The following EPG5 variants were observed in gnomAD, a reference collection of about 807,000 sequenced individuals.
EPG5 encodes ectopic P granules protein 5 homolog.
In EPG5, 159 loss-of-function variants were observed where a neutral mutation model predicts 302.7. The ratio of observed to expected loss-of-function variants is 0.53; its 90% confidence interval spans 0.46 to 0.60. EPG5 has a LOEUF of 0.60. Ranked by LOEUF, EPG5 falls within the 20% of genes least tolerant of loss-of-function variation. The pLI is 0.00. For missense variants in EPG5, 2,896 were observed against 3,092.4 expected (o/e 0.94, Z 1.51); for synonymous variants, 1,158 against 1,136.8 (o/e 1.02, Z -0.37).
chr18:45,884,844 A>G (rs1385249260), intron 29 of EPG5, 33 bp from the exon 30 acceptor site: 1 of 1,450,470 alleles, frequency 6.9e-7, no homozygotes, highest in Non-Finnish European at 9.1e-7. Flanking sequence ...ATGTCACCAG[A>G]TTCTTCCCTC....
chr18:45,966,199 C>T (rs1445336492), intron 1 of EPG5, among the ~76,000 whole-genome samples: 3 of 151,576 alleles, frequency 2.0e-5, no homozygotes, highest in East Asian at 1.9e-4. Context: ...GGTGAAACCC[C>T]GTCTCTACTA....
rs773856202 is a variant in EPG5 at position 45,939,654 on chromosome 18, A to G, written c.2045T>C (p.Val682Ala). 6.2e-7 allele frequency: 1 copy of G among 1,613,996 alleles called. No homozygotes were observed. Among genetic ancestry groups the G allele is most frequent in the African/African-American group, 1.3e-5 (1 of 74,908 alleles). ...CCTCAAAAACAGTTCATCAAATTCA[A>G]CCTGTAGTTTCTCCATAGAGTAGGG... ...QQPYSMEKLQ[V>A]EFDELFLRAV... Residue 682 changes from valine to alanine, a missense_variant, in exon 10 of 44, where the codon GTT (valine) becomes GCT (alanine). Val to Ala is a moderately conservative substitution (Grantham distance 64). Transcript: ENST00000282041.
chr18:45,851,400 T>G lies in EPG5; in HGVS notation c.*1067A>C, dbSNP rs2048420655. 1 of 152,088 alleles carries G rather than the reference T, an allele frequency of 6.6e-6. No individual in the cohort carries two copies. The highest frequency in any genetic ancestry group is 6.5e-5 in the Admixed American group (1 of 15,272). The allele number at this position is 152,088 out of a possible 1,614,324, so 9.4% of individuals were successfully genotyped here. A position where few individuals can be genotyped will look rare whatever the true frequency, so the allele number is the denominator to read the frequency against. ...ACAGGCTTTGGTAATGAATGAACTG[T>G]CAACAACAGAAGGCACGTGGCTATG... is the stretch of plus-strand genomic sequence containing the variant. On this transcript the variant is annotated 3_prime_UTR_variant, in exon 44 of 44. Coordinates refer to ENST00000282041, the MANE Select transcript of EPG5 (RefSeq NM_020964.3).
chr18:45,929,525 T>G (rs1205647618), intron 12 of EPG5, among the ~76,000 whole-genome samples: 2 of 152,240 alleles, frequency 1.3e-5, no homozygotes, highest in East Asian at 3.9e-4. Context: ...AATAACAGAA[T>G]AAAATAAAAT....
chr18:45,945,642 A>T (rs1482754612), intron 7 of EPG5, among the ~76,000 whole-genome samples: 2 of 152,198 alleles, frequency 1.3e-5, no homozygotes, highest in African/African-American at 4.8e-5. Context: ...CCTACCAGAA[A>T]AAAAGACTTC....
At chr18:45,829,158 G>C in the EPG5 span, 220 of 985,354 alleles carry the variant, frequency 2.2e-4, no homozygotes, top group Non-Finnish European at 2.6e-4. Flanking sequence ...GGGTCAGCCT[G>C]TGGCCCTGCC....
At chr18:45,830,723 C>G in the EPG5 span, among the ~76,000 whole-genome samples, 1 of 148,908 alleles carries the variant, frequency 6.7e-6, no homozygotes, top group African/African-American at 2.5e-5. Flanking sequence ...GTAGCTGGAA[C>G]TACAGGCACC....
intron 36 of EPG5, among the ~76,000 whole-genome samples, chr18:45,868,584 G>A (rs576474880): frequency 6.6e-6 from 1 of 150,576 alleles, no homozygotes; most frequent in Non-Finnish European, 1.5e-5. Flanking sequence ...GGTCAGGCTG[G>A]TCTTGAACCC....
the EPG5 span, chr18:45,838,982 G>T: frequency 1.9e-6 from 3 of 1,600,454 alleles, no homozygotes; most frequent in Non-Finnish European, 2.5e-6. Context: ...TACCTGTTCC[G>T]CTTCCATGGC....
chr18:45,893,410 C>T (rs56298801), intron 27 of EPG5, among the ~76,000 whole-genome samples: 71,144 of 151,758 alleles, frequency 0.47, 17,692 homozygotes, highest in East Asian at 0.58. Flanking sequence ...ACTAAAAATA[C>T]AAAAATTAGC....
the EPG5 span, among the ~76,000 whole-genome samples, chr18:45,802,935 T>TA: frequency 6.6e-6 from 1 of 152,138 alleles, no homozygotes. Flanking sequence ...CCCAGTCTCT[T>TA]AAGGCATAGT....
chr18:45,854,550 C>T (rs1333642050), intron 43 of EPG5, among the ~76,000 whole-genome samples: 1 of 151,996 alleles, frequency 6.6e-6, no homozygotes, highest in Non-Finnish European at 1.5e-5. Flanking sequence ...CTTTCCTCAT[C>T]CAAAAAACCA....
the EPG5 span, chr18:45,839,169 G>T: frequency 3.4e-4 from 454 of 1,336,282 alleles, 4 homozygotes; most frequent in African/African-American, 6.7e-3. Context: ...AGACCACCTG[G>T]CTGACCCCCT....
intron 35 of EPG5, among the ~76,000 whole-genome samples, chr18:45,874,156 A>C (rs541764398): frequency 6.6e-6 from 1 of 152,234 alleles, no homozygotes; most frequent in Non-Finnish European, 1.5e-5. Context: ...TAAATCATGG[A>C]CTTTCATTGA....
rs778882158 is a variant in EPG5, at chr18:45,882,439, G to A, written c.5353C>T (p.Arg1785Cys). 11 of 1,614,036 alleles carry A rather than the reference G, an allele frequency of 6.8e-6. No homozygotes were observed. Among genetic ancestry groups the A allele is most frequent in the African/African-American group, 1.3e-5 (1 of 74,914 alleles). Residue 1785 changes from arginine to cysteine, a missense_variant, in exon 31 of 44, where the codon CGT (arginine) becomes TGT (cysteine). Arg to Cys is a radical substitution (Grantham distance 180, BLOSUM62 -3). Transcript: ENST00000282041. ...LSATKPPLSD[R>C]TRLLESIHLA... Reference sequence around the variant, plus strand: ...TGAATGGACTCCAGAAGCCTGGTACGATCAGACAGAGGAGGTTTAGTGGCG... The same window carrying A: ...TGAATGGACTCCAGAAGCCTGGTACAATCAGACAGAGGAGGTTTAGTGGCG...
At chr18:45,915,671 A>G in intron 19 of EPG5, 50 bp from the exon 20 acceptor site, 1 of 1,363,260 alleles carries the variant, frequency 7.3e-7, no homozygotes, top group Non-Finnish European at 1.0e-6. Context: ...GGAAAATCTT[A>G]TCAATGACCT....
intron 13 of EPG5, 59 bp downstream of exon 13, chr18:45,928,810 C>A: frequency 6.5e-7 from 1 of 1,541,194 alleles, no homozygotes; most frequent in Non-Finnish European, 8.8e-7. Flanking sequence ...CTATTTTTGC[C>A]AATGTTCCAT....
At chr18:45,908,131 A>G in intron 23 of EPG5, 50 bp from the exon 24 acceptor site, 1 of 1,407,188 alleles carries the variant, frequency 7.1e-7, no homozygotes, top group Non-Finnish European at 9.7e-7. Context: ...TGAGCATACA[A>G]ACAAAGCTTC....
chr18:45,894,118 T>G (rs1195694064), intron 27 of EPG5, among the ~76,000 whole-genome samples: 1 of 151,720 alleles, frequency 6.6e-6, no homozygotes, highest in Non-Finnish European at 1.5e-5. Flanking sequence ...GCCTAATGAG[T>G]GGTGTGTTAC....
Sources: gnomAD v4.1 joint callset for allele counts (sites outside exome capture counted in the v4.1 genomes callset) on GRCh38, gnomAD v4.1.1 for gene constraint, MANE v1.5 for transcripts, NCBI Gene and HGNC (gene_info 2026-07-23, HGNC 2026-07-21) for gene names.